The following MAPK10 variants were observed in gnomAD, a reference collection of about 807,000 sequenced individuals.
MAPK10 encodes mitogen-activated protein kinase 10.
In MAPK10, 25 loss-of-function variants were observed where a neutral mutation model predicts 59.3. That is an observed-to-expected ratio of 0.42 (90% confidence interval 0.31 to 0.59). The LOEUF (loss-of-function observed/expected upper bound fraction) is 0.59. Among genes scored for constraint, MAPK10 ranks in the 20% least tolerant of loss-of-function variants. The pLI, the probability that MAPK10 is intolerant of heterozygous loss-of-function variation, is 0.15. For missense variants in MAPK10, 351 were observed against 568.9 expected (o/e 0.62, Z 3.90); for synonymous variants, 190 against 200.5 (o/e 0.95, Z 0.44).
chr4:86,516,592 T>C (rs527451103), intron 1 of MAPK10, among the ~76,000 whole-genome samples: 1 of 152,286 alleles, frequency 6.6e-6, no homozygotes, highest in African/African-American at 2.4e-5. Context: ...CGTAAAGATC[T>C]TTCACCTCTT....
chr4:86,202,376 C>T (rs2082828659), intron 2 of MAPK10, among the ~76,000 whole-genome samples: 1 of 151,736 alleles, frequency 6.6e-6, no homozygotes, highest in South Asian at 2.1e-4. Flanking sequence ...ATTTGTATGT[C>T]TTTTCCATTC....
intron 3 of MAPK10, among the ~76,000 whole-genome samples, chr4:86,169,443 C>A (rs550128420): frequency 4.6e-4 from 70 of 152,136 alleles, no homozygotes; most frequent in African/African-American, 1.5e-3. Context: ...CCGATGCGAT[C>A]AACTGGAAGA....
chr4:86,170,683 A>G (rs184976502), intron 3 of MAPK10, among the ~76,000 whole-genome samples: 101 of 152,176 alleles, frequency 6.6e-4, no homozygotes, highest in Admixed American at 2.5e-3. Flanking sequence ...AAAGTTAACA[A>G]GGATACCCAG....
chr4:86,553,888 T>C (rs1032712142), intron 1 of MAPK10, among the ~76,000 whole-genome samples: 5 of 137,756 alleles, frequency 3.6e-5, no homozygotes, highest in African/African-American at 5.1e-5. Flanking sequence ...AGACCACTTC[T>C]TAATTTTTTT....
chr4:86,561,466 G>C (rs1279789841), intron 1 of MAPK10, among the ~76,000 whole-genome samples: 1 of 152,182 alleles, frequency 6.6e-6, no homozygotes. Context: ...ATTTCTTACT[G>C]AGAGCAATTC....
chr4:86,248,665 T>C (rs2093253142), intron 2 of MAPK10, among the ~76,000 whole-genome samples: 1 of 152,198 alleles, frequency 6.6e-6, no homozygotes, highest in African/African-American at 2.4e-5. Flanking sequence ...AGAACAACTC[T>C]TCTTGCCCAC....
chr4:86,316,861 A>G (rs2095797956), intron 2 of MAPK10, among the ~76,000 whole-genome samples: 1 of 152,130 alleles, frequency 6.6e-6, no homozygotes, highest in African/African-American at 2.4e-5. Flanking sequence ...TTGTTGTCGT[A>G]GTAGAAATGC....
At position 86,541,112 on chromosome 4, in the gene MAPK10, C is replaced by A. The variant is rs533507955; in HGVS notation, c.-263+52798G>T. On this transcript the variant is annotated intron_variant, in intron 1 of 4. Coordinates refer to the MAPK10 transcript ENST00000502302. ...CTCCTACCCTACCAGCCCCTACAAT[C>A]CCCATGGGGCATTCTTGAAATCTTG... 1.4e-4 allele frequency among the ~76,000 whole-genome samples: 22 copies of A among 152,216 alleles called. No individual in the cohort carries two copies. The East Asian group carries it at 3.9e-3, about 27-fold the overall frequency.
chr4:86,404,227 A>G (rs1744081207), intron 1 of MAPK10, among the ~76,000 whole-genome samples: 1 of 152,066 alleles, frequency 6.6e-6, no homozygotes, highest in South Asian at 2.1e-4. Flanking sequence ...TGTTTTTCAC[A>G]CAGTGGGTGC....
At chr4:86,173,452 C>G (rs1317273671) in intron 3 of MAPK10, among the ~76,000 whole-genome samples, 1 of 152,056 alleles carries the variant, frequency 6.6e-6, no homozygotes, top group Non-Finnish European at 1.5e-5. Context: ...CTTCCTTACA[C>G]CTTATACAAA....
chr4:86,324,870 T>C (rs754635698), intron 2 of MAPK10, among the ~76,000 whole-genome samples: 5 of 152,168 alleles, frequency 3.3e-5, no homozygotes, highest in Non-Finnish European at 5.9e-5. Flanking sequence ...TAGACACATA[T>C]ACACATAGAC....
At chr4:86,027,252 G>C (rs1016053467) in intron 13 of MAPK10, 1 of 152,170 alleles carries the variant, frequency 6.6e-6, no homozygotes, top group Non-Finnish European at 1.5e-5. Flanking sequence ...GTCAACTATA[G>C]TTTAGGGCAT....
intron 1 of MAPK10, among the ~76,000 whole-genome samples, chr4:86,376,216 A>G (rs1192083846): frequency 6.6e-6 from 1 of 152,202 alleles, no homozygotes; most frequent in Non-Finnish European, 1.5e-5. Flanking sequence ...AACAGCACTT[A>G]TCTTTTCTTC....
Position 86,518,571 on chromosome 4 carries a change from GTTTCA to G in MAPK10, c.-263+75334_-263+75338del, listed in dbSNP as rs1353278519. Among the ~76,000 whole-genome samples, 10 of 147,604 alleles carry G rather than the reference GTTTCA, an allele frequency of 6.8e-5. No individual in the cohort carries two copies. In the East Asian group the frequency reaches 2.0e-3, roughly 29 times the overall value. ...ATATCTTTTCAAAAACCAGCTTTTT[GTTTCA>G]TTTATCTTTTGTATTTTTTTGGTTT... On this transcript the variant is annotated intron_variant, in intron 1 of 4. Coordinates refer to the MAPK10 transcript ENST00000502302.
chr4:86,061,295 G>A (rs1222434276), intron 11 of MAPK10, among the ~76,000 whole-genome samples: 2 of 152,128 alleles, frequency 1.3e-5, no homozygotes, highest in Non-Finnish European at 2.9e-5. Context: ...ACCAGAGTTA[G>A]AGCATCTTCT....
chr4:86,256,956 G>A (rs368552220), intron 2 of MAPK10, among the ~76,000 whole-genome samples: 1,466 of 139,066 alleles, frequency 0.011, 5 homozygotes, highest in African/African-American at 0.022. Context: ...GTTTCACTGT[G>A]TTAGCCAGGA....
intron 1 of MAPK10, among the ~76,000 whole-genome samples, chr4:86,487,907 G>T (rs1364046330): frequency 3.9e-5 from 6 of 152,056 alleles, no homozygotes; most frequent in Non-Finnish European, 8.8e-5. Flanking sequence ...TTTAGGCCTT[G>T]ATGTTAAGGT....
chr4:86,059,442 T>C (rs1376510711), intron 11 of MAPK10, among the ~76,000 whole-genome samples: 1 of 152,188 alleles, frequency 6.6e-6, no homozygotes, highest in East Asian at 1.9e-4. Flanking sequence ...TGTGTAATAG[T>C]GTTGACTATT....
chr4:86,033,782 A>G (rs1244550226), intron 11 of MAPK10, among the ~76,000 whole-genome samples: 1 of 152,196 alleles, frequency 6.6e-6, no homozygotes, highest in East Asian at 1.9e-4. Flanking sequence ...TTTTTTGAAG[A>G]GGAAATGCGA....
Sources: gnomAD v4.1 joint callset for allele counts (sites outside exome capture counted in the v4.1 genomes callset) on GRCh38, gnomAD v4.1.1 for gene constraint, MANE v1.5 for transcripts, NCBI Gene and HGNC (gene_info 2026-07-23, HGNC 2026-07-21) for gene names.